The following KLHL1 variants were observed in gnomAD, a reference collection of about 807,000 sequenced individuals.
KLHL1 encodes the protein kelch-like protein 1.
A neutral mutation model predicts 77.7 loss-of-function variants in KLHL1; 47 were observed. The ratio of observed to expected loss-of-function variants is 0.60; its 90% CI spans 0.48 to 0.77. The LOEUF (loss-of-function observed/expected upper bound fraction) is 0.77, where lower values mean the gene tolerates loss of function less well. Among genes scored for constraint, KLHL1 ranks in the 30% least tolerant of loss-of-function variants. KLHL1 has a pLI of 0.00. For synonymous variants in KLHL1, 360 were observed against 325.2 expected (o/e 1.11, Z -1.15); for missense variants, 925 against 910.8 (o/e 1.02, Z -0.20).
At chr13:69,934,917 T>A (rs1321502882) in intron 4 of KLHL1, among the ~76,000 whole-genome samples, 1 of 148,514 alleles carries the variant, frequency 6.7e-6, no homozygotes, top group Non-Finnish European at 1.5e-5. Context: ...TCCCATTGCG[T>A]CTCATAATTT....
chr13:69,994,511 C>T (rs905162303), intron 1 of KLHL1, among the ~76,000 whole-genome samples: 8 of 152,138 alleles, frequency 5.3e-5, no homozygotes, highest in African/African-American at 1.9e-4. Flanking sequence ...TATAGGCTTA[C>T]TCCTTCTATT....
intron 1 of KLHL1, among the ~76,000 whole-genome samples, chr13:69,997,015 G>C (rs572402012): frequency 7.2e-6 from 1 of 139,468 alleles, no homozygotes; most frequent in Admixed American, 8.0e-5. Context: ...GAGGTCAGGA[G>C]TTCGAGACCA....
At chr13:69,790,934 G>A (rs1876841192) in intron 7 of KLHL1, among the ~76,000 whole-genome samples, 1 of 151,838 alleles carries the variant, frequency 6.6e-6, no homozygotes, top group Admixed American at 6.6e-5. Context: ...AGGAATATAA[G>A]GGACCTTTCT....
intron 5 of KLHL1, among the ~76,000 whole-genome samples, chr13:69,863,501 TA>T (rs55902553): frequency 0.32 from 48,013 of 151,552 alleles, 8,097 homozygotes; most frequent in African/African-American, 0.44. Flanking sequence ...ACATAAGAAA[TA>T]AAAAAATTTT....
chr13:69,738,274 C>T (rs549185976), intron 8 of KLHL1, among the ~76,000 whole-genome samples: 2 of 151,694 alleles, frequency 1.3e-5, no homozygotes, highest in East Asian at 3.9e-4. Context: ...GCAGATAAAT[C>T]CATGAAGATG....
chr13:69,816,219 A>G (rs1413581098), intron 6 of KLHL1, among the ~76,000 whole-genome samples: 1 of 151,790 alleles, frequency 6.6e-6, no homozygotes, highest in Non-Finnish European at 1.5e-5. Context: ...CTGTGTGTGA[A>G]TGCAATTAAT....
chr13:69,974,938 C>G (rs1431273645), intron 2 of KLHL1, among the ~76,000 whole-genome samples: 2 of 151,944 alleles, frequency 1.3e-5, no homozygotes, highest in Admixed American at 6.6e-5. Context: ...ACAGATTGAA[C>G]TCTAAATCAC....
chr13:69,922,664 TAAA>T (rs557275037), intron 4 of KLHL1, among the ~76,000 whole-genome samples: 1 of 152,020 alleles, frequency 6.6e-6, no homozygotes, highest in African/African-American at 2.4e-5. Context: ...CAAGCAAAAT[TAAA>T]AAAACATATT....
chr13:69,808,120 G>A (rs990843641), intron 6 of KLHL1, among the ~76,000 whole-genome samples: 10 of 152,014 alleles, frequency 6.6e-5, no homozygotes, highest in East Asian at 1.9e-4. Context: ...TATGGAAAGC[G>A]GGTCACCTCT....
Position 70,080,266 on chromosome 13 carries a change from AC to A in KLHL1, c.497+26936del, listed in dbSNP as rs528377006. ...ACGTGGCTTGGCTCTTTTTAAAGAC[AC>A]CTGTCAACACTTGGCAAGGGCTCAG... On this transcript the variant is annotated intron_variant, in intron 1 of 10. Coordinates refer to ENST00000377844, the MANE Select transcript of KLHL1 (RefSeq NM_020866.3). Among the ~76,000 whole-genome samples, 130 of 152,308 alleles carry A rather than the reference AC, an allele frequency of 8.5e-4. No individual in the cohort carries two copies. The East Asian group carries it at 0.015, about 18-fold the overall frequency.
At chr13:69,912,345 C>T (rs1882266010) in intron 4 of KLHL1, among the ~76,000 whole-genome samples, 1 of 151,878 alleles carries the variant, frequency 6.6e-6, no homozygotes. Context: ...GATTTCTGAT[C>T]AATAATCTCA....
intron 7 of KLHL1, among the ~76,000 whole-genome samples, chr13:69,777,015 G>C (rs1875864368): frequency 6.6e-6 from 1 of 151,902 alleles, no homozygotes; most frequent in Admixed American, 6.6e-5. Flanking sequence ...ATCCCCACGT[G>C]TCATGGGTGG....
At chr13:69,842,308 A>G (rs952642674) in intron 5 of KLHL1, among the ~76,000 whole-genome samples, 1 of 151,922 alleles carries the variant, frequency 6.6e-6, no homozygotes, top group Admixed American at 6.6e-5. Context: ...AGAGAGGACA[A>G]ATACGCAGAA....
At chr13:69,903,720 C>T (rs1165008034) in intron 4 of KLHL1, among the ~76,000 whole-genome samples, 1 of 127,544 alleles carries the variant, frequency 7.8e-6, no homozygotes, top group Non-Finnish European at 1.6e-5. Context: ...CGGCTCACTG[C>T]AACCTCCGCC....
intron 3 of KLHL1, among the ~76,000 whole-genome samples, chr13:69,945,471 A>C (rs1165481147): frequency 6.6e-6 from 1 of 151,880 alleles, no homozygotes; most frequent in Non-Finnish European, 1.5e-5. Context: ...AGAAAAAAAA[A>C]AAGCCACTGT....
chr13:70,093,645 C>T (rs917215817), intron 1 of KLHL1, among the ~76,000 whole-genome samples: 3 of 151,928 alleles, frequency 2.0e-5, no homozygotes, highest in African/African-American at 7.3e-5. Flanking sequence ...CTTAATTTGG[C>T]AAATAATTTT....
chr13:69,744,462 CT>C (rs1479207045), intron 7 of KLHL1, among the ~76,000 whole-genome samples: 1 of 151,100 alleles, frequency 6.6e-6, no homozygotes, highest in African/African-American at 2.4e-5. Context: ...GGTTACATGA[CT>C]TTGTATAAAT....
In KLHL1 at chr13:69,796,880, A is replaced by G. The variant is rs1877131154; in HGVS notation, c.1497T>C (p.Phe499=). 1 of 1,614,150 alleles carries G rather than the reference A, an allele frequency of 6.2e-7. No homozygotes were observed. The highest frequency in any genetic ancestry group is 8.5e-7 in the Non-Finnish European group (1 of 1,180,022). The change falls in exon 7 of 11, where the codon TTT becomes TTC. Residue 499 remains phenylalanine, a synonymous_variant. Transcript: ENST00000377844. ...GTTTGTCATCAATAACAGCCACACCAAACTGCAGCCTTCTGCCATTCATCA... is the reference window on the plus strand; with the variant it reads ...GTTTGTCATCAATAACAGCCACACCGAACTGCAGCCTTCTGCCATTCATCA... ...AGMMNGRRLQ[F]GVAVIDDKLF... is the part of the protein sequence containing the mutation.
At chr13:69,746,667 A>AT (rs564663835) in intron 7 of KLHL1, among the ~76,000 whole-genome samples, 39 of 151,330 alleles carry the variant, frequency 2.6e-4, no homozygotes, top group Middle Eastern at 3.4e-3. Context: ...AAAATATTTC[A>AT]TTTTTTTCCT....
Sources: allele counts gnomAD v4.1 joint callset (sites outside exome capture counted in the v4.1 genomes callset), GRCh38; gene constraint gnomAD v4.1.1; transcripts MANE v1.5; gene names NCBI Gene and HGNC (gene_info 2026-07-23, HGNC 2026-07-21).